SLC44A1: variants seen among roughly 807,000 people sequenced by gnomAD.
SLC44A1 encodes choline transporter-like protein 1.
SLC44A1 carries 26 observed loss-of-function variants against 79.3 expected under a neutral mutation model. That is an observed-to-expected ratio of 0.33 (90% confidence interval 0.24 to 0.46). The LOEUF (loss-of-function observed/expected upper bound fraction) is 0.46. Ranked by LOEUF, SLC44A1 falls within the 20% of genes least tolerant of loss-of-function variation. The probability of loss-of-function intolerance (pLI) is 1.00; values close to 1 mark genes in which losing one functional copy is unlikely to be tolerated. For missense variants in SLC44A1, 688 were observed against 798.1 expected (o/e 0.86, Z 1.66); for synonymous variants, 263 against 286.2 (o/e 0.92, Z 0.82).
rs1190095783 is a variant in SLC44A1, at chr9:105,394,855, A to G, written c.*5799A>G. ...TGTTCTGTTTTAGTGTTTTCCAGTC[A>G]CCCACTAGAGCAGCTTCAGATTCCT... On this transcript the variant is annotated 3_prime_UTR_variant, in exon 16 of 16. Transcript: ENST00000374720. 21 of 985,226 alleles carry G rather than the reference A, an allele frequency of 2.1e-5. No individual in the cohort carries two copies. The highest frequency in any genetic ancestry group is 2.5e-5 in the Non-Finnish European group (21 of 829,934). The allele number at this position is 985,226 out of a possible 1,614,324, so 61.0% of individuals were successfully genotyped here.
At chr9:105,356,806 T>A (rs1479341869) in intron 6 of SLC44A1, among the ~76,000 whole-genome samples, 2 of 151,666 alleles carry the variant, frequency 1.3e-5, no homozygotes, top group Non-Finnish European at 2.9e-5. Flanking sequence ...AAGTATGTAA[T>A]TTTTTTTTCA....
chr9:105,349,144 G>A (rs961987433), intron 5 of SLC44A1, among the ~76,000 whole-genome samples: 79 of 152,250 alleles, frequency 5.2e-4, no homozygotes, highest in African/African-American at 1.9e-3. Context: ...TCAGAATTAG[G>A]TAGGTATACG....
intron 3 of SLC44A1, among the ~76,000 whole-genome samples, chr9:105,320,062 T>G (rs923019965): frequency 1.3e-5 from 2 of 152,186 alleles, no homozygotes; most frequent in Non-Finnish European, 2.9e-5. Context: ...CTGCTTTTCG[T>G]AGTATAGTTT....
At position 105,363,002 on chromosome 9, in the gene SLC44A1, C is replaced by A; in HGVS notation, c.1082C>A (p.Thr361Asn). ...ATCATGACACTTCTTTTTCTTGGCA[C>A]TACCGGTAAGAAGATAAGCTTCTTT... The part of the protein sequence containing the change: ...YWIMTLLFLG[T>N]TGSPVQNEQG... The change falls in exon 9 of 16, where the codon ACT becomes AAT. Residue 361 changes from threonine (T) to asparagine (N), a missense_variant. Transcript: ENST00000374720. 1.2e-6 allele frequency: 2 copies of A among 1,602,194 alleles called. No individual in the cohort carries two copies. The highest frequency in any genetic ancestry group is 1.7e-4 in the Middle Eastern group (1 of 6,014).
intron 4 of SLC44A1, among the ~76,000 whole-genome samples, chr9:105,342,324 T>C (rs1827119353): frequency 6.6e-6 from 1 of 152,166 alleles, no homozygotes; most frequent in South Asian, 2.1e-4. Context: ...GTCCAGCATA[T>C]CCACACTGTG....
chr9:105,264,560 G>A lies in SLC44A1; in HGVS notation c.36+19656G>A, dbSNP rs79293716. ...TTTGTCACTCTTGGAGATCGTGGTT[G>A]TCTTGTTCTACTGTCTACCCAGCTT... On this transcript the variant is annotated intron_variant, in intron 1 of 15. Transcript: ENST00000374720. Among the ~76,000 whole-genome samples, 49 of 152,284 alleles carry A rather than the reference G, an allele frequency of 3.2e-4. No individual in the cohort carries two copies. In the East Asian group the frequency reaches 8.9e-3, roughly 28 times the overall value.
At position 105,395,099 on chromosome 9, in the gene SLC44A1, A is replaced by T. The variant is rs1395715040; in HGVS notation, c.*6043A>T. On this transcript the variant is annotated 3_prime_UTR_variant, in exon 16 of 16. Coordinates refer to ENST00000374720, the MANE Select transcript of SLC44A1 (RefSeq NM_080546.5). Reference sequence around the variant, plus strand: ...CTCATGACTTATAGTCAGGCATCAAACCATTTCCTACTTTTTCAGGCTGAA... The same window carrying T: ...CTCATGACTTATAGTCAGGCATCAATCCATTTCCTACTTTTTCAGGCTGAA... 1 of 985,344 alleles carries T rather than the reference A, an allele frequency of 1.0e-6. No homozygotes were observed. The highest frequency in any genetic ancestry group is 1.2e-6 in the Non-Finnish European group (1 of 829,956). 61.0% of individuals were successfully genotyped at this position (985,344 alleles called of 1,614,324 possible).
At chr9:105,290,616 G>C (rs1192495212) in intron 1 of SLC44A1, among the ~76,000 whole-genome samples, 1 of 152,226 alleles carries the variant, frequency 6.6e-6, no homozygotes, top group Non-Finnish European at 1.5e-5. Flanking sequence ...ATGCAAGAAA[G>C]ACAGTCATTG....
At chr9:105,417,859 AC>A (rs146857729) in intron 15 of SLC44A1, among the ~76,000 whole-genome samples, 50 of 144,444 alleles carry the variant, frequency 3.5e-4, no homozygotes, top group African/African-American at 9.3e-4. Context: ...AAAAAAAAAA[AC>A]AATTTAATTA....
chr9:105,322,538 GTCA>G (rs1826426020), intron 3 of SLC44A1, among the ~76,000 whole-genome samples: 1 of 152,184 alleles, frequency 6.6e-6, no homozygotes, highest in Non-Finnish European at 1.5e-5. Context: ...TAATAATTGT[GTCA>G]CTTAGAGGAG....
intron 1 of SLC44A1, among the ~76,000 whole-genome samples, chr9:105,263,347 G>A (rs1461824506): frequency 1.3e-5 from 2 of 152,118 alleles, no homozygotes; most frequent in East Asian, 1.9e-4. Flanking sequence ...ATAAAAAACC[G>A]AAATTGGCCT....
chr9:105,390,075 C>G lies in SLC44A1; in HGVS notation c.*1019C>G. 1 of 1,272,030 alleles carries G rather than the reference C, an allele frequency of 7.9e-7. No individual in the cohort carries two copies. Among genetic ancestry groups the G allele is most frequent in the Non-Finnish European group, 1.0e-6 (1 of 1,002,290 alleles). The allele number at this position is 1,272,030 out of a possible 1,614,324, so 78.8% of individuals were successfully genotyped here. A position where few individuals can be genotyped will look rare whatever the true frequency, so the allele number is the denominator to read the frequency against. On this transcript the variant is annotated 3_prime_UTR_variant, in exon 16 of 16. Coordinates refer to ENST00000374720, the MANE Select transcript of SLC44A1 (RefSeq NM_080546.5). ...TGAAAACACACTGGCAGGTGCTCCT[C>G]TCCTTGGCAATTCATTGAGTATCCA... is the stretch of plus-strand genomic sequence containing the variant.
chr9:105,263,162 C>T (rs2131216068), intron 1 of SLC44A1, among the ~76,000 whole-genome samples: 1 of 152,306 alleles, frequency 6.6e-6, no homozygotes, highest in Non-Finnish European at 1.5e-5. Context: ...ATGTCACATA[C>T]TCTACGTGGA....
intron 2 of SLC44A1, among the ~76,000 whole-genome samples, chr9:105,302,399 G>A (rs1308232948): frequency 3.3e-5 from 5 of 151,332 alleles, no homozygotes; most frequent in Non-Finnish European, 5.9e-5. Flanking sequence ...TGTCATTCAG[G>A]CTAGAGTGCA....
At chr9:105,405,009 C>T (rs542857316) in intron 15 of SLC44A1, among the ~76,000 whole-genome samples, 8 of 152,236 alleles carry the variant, frequency 5.3e-5, no homozygotes, top group East Asian at 1.9e-4. Flanking sequence ...AGAGTCTCCA[C>T]GCTAGTTTTA....
chr9:105,437,968 C>T (rs1829485470), intron 15 of SLC44A1, among the ~76,000 whole-genome samples: 1 of 152,212 alleles, frequency 6.6e-6, no homozygotes, highest in African/African-American at 2.4e-5. Context: ...GTTTTAAGTA[C>T]TTTGTATTTA....
At chr9:105,341,889 A>G (rs1405775255) in intron 4 of SLC44A1, among the ~76,000 whole-genome samples, 2 of 152,178 alleles carry the variant, frequency 1.3e-5, no homozygotes, top group East Asian at 1.9e-4. Context: ...TCCCTTATAC[A>G]TACTATCCAA....
intron 3 of SLC44A1, among the ~76,000 whole-genome samples, chr9:105,322,320 T>G (rs1826418291): frequency 6.6e-6 from 1 of 152,140 alleles, no homozygotes; most frequent in African/African-American, 2.4e-5. Context: ...TAGCTGCTAA[T>G]TGGGGTGAGT....
At chr9:105,287,068 T>C (rs763277732) in intron 1 of SLC44A1, among the ~76,000 whole-genome samples, 1 of 152,222 alleles carries the variant, frequency 6.6e-6, no homozygotes, top group Non-Finnish European at 1.5e-5. Flanking sequence ...GAAAGTAAAG[T>C]AGCTGAATCT....
Sources: allele counts gnomAD v4.1 joint callset (sites outside exome capture counted in the v4.1 genomes callset), GRCh38; gene constraint gnomAD v4.1.1; transcripts MANE v1.5; gene names NCBI Gene and HGNC (gene_info 2026-07-23, HGNC 2026-07-21).